Variants in TXLNB observed in about 807,000 individuals in gnomAD.
TXLNB encodes taxilin beta, also known as beta-taxilin.
In TXLNB, 37 loss-of-function variants were observed where a neutral mutation model predicts 57.4. That is an observed-to-expected ratio of 0.64 (90% CI 0.50 to 0.85). The LOEUF (loss-of-function observed/expected upper bound fraction) is 0.85. TXLNB is among the 40% of genes least tolerant of loss of function. The pLI is 0.00. For missense variants in TXLNB, 848 were observed against 825.6 expected (o/e 1.03, Z -0.33); for synonymous variants, 302 against 309.6 (o/e 0.98, Z 0.26).
intron 7 of TXLNB, chr6:139,255,240 G>A (rs1776305780): frequency 2.7e-6 from 1 of 365,808 alleles, no homozygotes; most frequent in East Asian, 7.3e-5. Context: ...GCAATGAGAG[G>A]GGAAGTACGG....
chr6:139,220,153 T>G, the TXLNB span, among the ~76,000 whole-genome samples: 1 of 152,210 alleles, frequency 6.6e-6, no homozygotes, highest in Non-Finnish European at 1.5e-5. Context: ...GAGAGATCTT[T>G]TGCCCCTTCT....
At chr6:139,303,202 T>C in the TXLNB span, among the ~76,000 whole-genome samples, 1 of 152,290 alleles carries the variant, frequency 6.6e-6, no homozygotes, top group East Asian at 1.9e-4. Context: ...GGATTTTGGA[T>C]CCTGGGTCAA....
the TXLNB span, among the ~76,000 whole-genome samples, chr6:139,191,168 C>T: frequency 6.6e-6 from 1 of 152,048 alleles, no homozygotes; most frequent in Admixed American, 6.5e-5. Flanking sequence ...GTCTGTAATC[C>T]CAGCACTTTG....
intron 2 of TXLNB, 75 bp downstream of exon 2, chr6:139,288,401 G>C: frequency 7.2e-7 from 1 of 1,381,158 alleles, no homozygotes; most frequent in Non-Finnish European, 1.0e-6. Flanking sequence ...GTGGCTTTTA[G>C]TGAAGTTTGG....
the TXLNB span, among the ~76,000 whole-genome samples, chr6:139,163,385 C>T: frequency 3.4e-5 from 5 of 148,648 alleles, no homozygotes; most frequent in Admixed American, 6.9e-5. Context: ...AAGGGAGTCT[C>T]ACTGTGCCAC....
At chr6:139,160,866 A>G in the TXLNB span, among the ~76,000 whole-genome samples, 3 of 152,202 alleles carry the variant, frequency 2.0e-5, no homozygotes, top group African/African-American at 7.2e-5. Flanking sequence ...AAACTTTACT[A>G]TTTATAAAGT....
At chr6:139,225,837 T>C in the TXLNB span, among the ~76,000 whole-genome samples, 2 of 151,706 alleles carry the variant, frequency 1.3e-5, 1 homozygote, top group South Asian at 4.2e-4. Flanking sequence ...TTCTAAATTA[T>C]ATATGAAAGT....
intron 2 of TXLNB, among the ~76,000 whole-genome samples, chr6:139,281,795 GCCT>G (rs1777059195): frequency 8.7e-6 from 1 of 115,154 alleles, no homozygotes. Context: ...TGATCCGCCC[GCCT>G]CGGCCTCCCA....
At chr6:139,173,795 T>C in the TXLNB span, among the ~76,000 whole-genome samples, 22 of 152,212 alleles carry the variant, frequency 1.4e-4, no homozygotes, top group Non-Finnish European at 2.6e-4. Flanking sequence ...TAATAAGACA[T>C]TGAACTTCTT....
In TXLNB at chr6:139,288,886, T is replaced by C; in HGVS notation, c.14A>G (p.His5Arg). 1 of 1,612,124 alleles carries C rather than the reference T, an allele frequency of 6.2e-7. No individual in the cohort carries two copies. Among genetic ancestry groups the C allele is most frequent in the Non-Finnish European group, 8.5e-7 (1 of 1,178,500 alleles). The stretch of plus-strand genomic sequence containing the variant: ...TCGTTCCGCTGAGAGCTGTTCAGAG[T>C]GATTAGCCTCCATCTTGGGAGTAGT... MEAN[H>R]SEQLSAERQS... is the part of the protein sequence containing the mutation. The change falls in exon 2 of 10, where the codon CAC (histidine) becomes CGC (arginine). Residue 5 changes from histidine (H) to arginine (R), a missense_variant. Coordinates refer to ENST00000358430, the MANE Select transcript of TXLNB (RefSeq NM_153235.4).
At chr6:139,299,087 C>T in the TXLNB span, among the ~76,000 whole-genome samples, 2 of 152,188 alleles carry the variant, frequency 1.3e-5, no homozygotes, top group Non-Finnish European at 2.9e-5. Context: ...AATAAACAAC[C>T]CAGCCTCAGG....
At chr6:139,166,276 T>A in the TXLNB span, 1 of 1,580,356 alleles carries the variant, frequency 6.3e-7, no homozygotes, top group Non-Finnish European at 8.6e-7. Flanking sequence ...TCTTTATTCC[T>A]CCCCCAGAAG....
chr6:139,316,142 A>G, the TXLNB span, among the ~76,000 whole-genome samples: 11 of 152,248 alleles, frequency 7.2e-5, 1 homozygote, highest in Non-Finnish European at 2.9e-5. Flanking sequence ...GCAGTAGGTT[A>G]TATCGGCCTA....
chr6:139,233,785 T>C, the TXLNB span, among the ~76,000 whole-genome samples: 1 of 152,196 alleles, frequency 6.6e-6, no homozygotes, highest in African/African-American at 2.4e-5. Flanking sequence ...TATAGTAAAT[T>C]GTTACCAAGA....
chr6:139,258,704 A>G (rs1776405842), intron 6 of TXLNB, among the ~76,000 whole-genome samples: 1 of 152,210 alleles, frequency 6.6e-6, no homozygotes, highest in Non-Finnish European at 1.5e-5. Context: ...TAAGTGGTCC[A>G]TGGACCATGT....
At chr6:139,174,772 A>C in the TXLNB span, among the ~76,000 whole-genome samples, 1 of 152,190 alleles carries the variant, frequency 6.6e-6, no homozygotes, top group Non-Finnish European at 1.5e-5. Flanking sequence ...TCAAAAGAAC[A>C]GGTTATAAAA....
the TXLNB span, among the ~76,000 whole-genome samples, chr6:139,181,052 A>C: frequency 6.6e-6 from 1 of 152,234 alleles, no homozygotes; most frequent in African/African-American, 2.4e-5. Flanking sequence ...CTATACGAAT[A>C]GTCCAAAATT....
intron 1 of TXLNB, among the ~76,000 whole-genome samples, chr6:139,290,558 T>A (rs1777280928): frequency 6.6e-6 from 1 of 152,116 alleles, no homozygotes; most frequent in Admixed American, 6.5e-5. Flanking sequence ...AGTAGCAATG[T>A]TTCATAAACA....
At chr6:139,211,808 C>T in the TXLNB span, among the ~76,000 whole-genome samples, 11 of 152,222 alleles carry the variant, frequency 7.2e-5, no homozygotes, top group South Asian at 4.2e-4. Context: ...CTGAAAACCA[C>T]GGCACAAGAA....
Sources: gnomAD v4.1 joint callset for allele counts (sites outside exome capture counted in the v4.1 genomes callset) on GRCh38, gnomAD v4.1.1 for gene constraint, MANE v1.5 for transcripts, NCBI Gene and HGNC (gene_info 2026-07-23, HGNC 2026-07-21) for gene names.